Variants in GORASP2 observed in about 807,000 individuals in gnomAD.
GORASP2 encodes the protein Golgi reassembly-stacking protein 2.
Under a neutral mutation model 45.7 loss-of-function variants are expected in GORASP2, and 22 were observed. The observed-to-expected ratio is 0.48, with a 90% CI of 0.34 to 0.69. The LOEUF (loss-of-function observed/expected upper bound fraction) is 0.69. Among genes scored for constraint, GORASP2 ranks in the 30% least tolerant of loss-of-function variants. The pLI, the probability that GORASP2 is intolerant of heterozygous loss-of-function variation, is 0.01. For missense variants in GORASP2, 491 were observed against 562.7 expected (o/e 0.87, Z 1.29); for synonymous variants, 221 against 215.6 (o/e 1.02, Z -0.22).
chr2:170,934,186 A>G lies in GORASP2; in HGVS notation c.63+4783A>G, dbSNP rs550669226. The stretch of plus-strand genomic sequence containing the variant: ...TGAAAAAATTAATTTCTGATATTCA[A>G]TAGTCATTGTCTTCTTTATTCTTCT... On this transcript the variant is annotated intron_variant, in intron 1 of 9. Coordinates refer to ENST00000234160, the MANE Select transcript of GORASP2 (RefSeq NM_015530.5). 7.3e-4 allele frequency among the ~76,000 whole-genome samples: 110 copies of G among 151,712 alleles called. 1 individual carries two copies. Among genetic ancestry groups the G allele is most frequent in the Non-Finnish European group, 8.1e-4 (55 of 67,920 alleles).
At chr2:170,934,223 T>C (rs1703891512) in intron 1 of GORASP2, among the ~76,000 whole-genome samples, 1 of 151,216 alleles carries the variant, frequency 6.6e-6, no homozygotes. Flanking sequence ...ACAGTCTTTC[T>C]CAAACTTTTG....
At chr2:170,964,652 CA>C (rs971995325) in intron 9 of GORASP2, among the ~76,000 whole-genome samples, 1 of 149,282 alleles carries the variant, frequency 6.7e-6, no homozygotes, top group Non-Finnish European at 1.5e-5. Flanking sequence ...GACTCCGTCT[CA>C]AAAAAAAATA....
chr2:170,937,070 T>C (rs1703975607), intron 1 of GORASP2, among the ~76,000 whole-genome samples: 2 of 152,004 alleles, frequency 1.3e-5, no homozygotes, highest in South Asian at 4.2e-4. Flanking sequence ...TAGACCGGCA[T>C]GATGGCGCGT....
intron 4 of GORASP2, among the ~76,000 whole-genome samples, chr2:170,950,906 T>C (rs1004239048): frequency 2.0e-5 from 3 of 151,918 alleles, no homozygotes; most frequent in African/African-American, 7.3e-5. Flanking sequence ...CACTTGAGCC[T>C]GAGAGGTTGA....
At position 170,930,487 on chromosome 2, in the gene GORASP2, C is replaced by T. The variant is rs1703792966; in HGVS notation, c.63+1084C>T. Among the ~76,000 whole-genome samples, 2 of 152,160 alleles carry T rather than the reference C, an allele frequency of 1.3e-5. 1 individual carries two copies. The highest frequency in any genetic ancestry group is 4.1e-4 in the South Asian group (2 of 4,834). On this transcript the variant is annotated intron_variant, in intron 1 of 9. Transcript: ENST00000234160. ...TTCCTGGTGCTACCTTCATTTCCTG[C>T]CCTGGGTCCCATGTTTTAGGTGAGA...
At position 170,961,694 on chromosome 2, in the gene GORASP2, A is replaced by C. The variant is rs753171325; in HGVS notation, c.855A>C (p.Gln285His). The C allele has an allele frequency of 1.3e-6, 2 of 1,599,276 alleles. No homozygotes were observed. The highest frequency in any genetic ancestry group is 3.3e-5 in the Admixed American group (2 of 59,976). ...GVPTVPLLPP[Q>H]VNQSLTSVPP... ...CAACAGTACCGTTATTGCCACCACAAGTAAACCAGTCCCTCACTTCTGTGC... is the reference window on the plus strand; with the variant it reads ...CAACAGTACCGTTATTGCCACCACACGTAAACCAGTCCCTCACTTCTGTGC... The change falls in exon 8 of 10, where the codon CAA becomes CAC. Residue 285 changes from glutamine (Q) to histidine (H), a missense_variant. Gln to His is a conservative substitution (Grantham distance 24, BLOSUM62 0). Transcript: ENST00000234160.
chr2:170,962,783 T>A, intron 8 of GORASP2, 56 bp from the exon 9 acceptor site: 1 of 1,183,794 alleles, frequency 8.4e-7, no homozygotes, highest in East Asian at 2.4e-5. Flanking sequence ...CACGAGGATT[T>A]ATTTCTTCCC....
In GORASP2 at chr2:170,951,127, A is replaced by G. The variant is rs150410464; in HGVS notation, c.436-201A>G. Reference sequence around the variant, plus strand: ...CCAACTAGATCTTAAGGAACTGGCCATAAAGCCTTGTATGTAGTAAGTAGG... The same window carrying G: ...CCAACTAGATCTTAAGGAACTGGCCGTAAAGCCTTGTATGTAGTAAGTAGG... On this transcript the variant is annotated intron_variant, in intron 4 of 9. Transcript: ENST00000234160. 2.6e-3 allele frequency among the ~76,000 whole-genome samples: 389 copies of G among 152,356 alleles called. 2 individuals are homozygous for G. Among genetic ancestry groups the G allele is most frequent in the South Asian group, 9.1e-3 (44 of 4,828 alleles).
upstream of GORASP2, chr2:170,928,585 C>G (rs566372636): frequency 6.6e-6 from 1 of 152,410 alleles, no homozygotes; most frequent in East Asian, 1.9e-4. Flanking sequence ...CGAGCAGCAG[C>G]AGGTGGTGGA....
chr2:170,963,456 C>G (rs1575481250), intron 9 of GORASP2, among the ~76,000 whole-genome samples: 2 of 140,348 alleles, frequency 1.4e-5, no homozygotes, highest in East Asian at 2.2e-4. Flanking sequence ...TGCTGCTCCT[C>G]CTCCTCCTCC....
intron 4 of GORASP2, 92 bp from the exon 5 acceptor site, chr2:170,951,236 A>C (rs1704292095): frequency 1.0e-6 from 1 of 963,388 alleles, no homozygotes. Flanking sequence ...TTTTTTTCTT[A>C]GATTTCTCAG....
intron 4 of GORASP2, 23 bp from the exon 5 acceptor site, chr2:170,951,305 T>G (rs1474741107): frequency 1.3e-6 from 2 of 1,579,216 alleles, no homozygotes; most frequent in Non-Finnish European, 1.7e-6. Context: ...CGTGAAACAT[T>G]TTCTCCTGTG....
At position 170,945,655 on chromosome 2, in the gene GORASP2, C is replaced by G. The variant is rs187907588; in HGVS notation, c.64-2695C>G. 1.2e-4 allele frequency among the ~76,000 whole-genome samples: 19 copies of G among 152,176 alleles called. 1 individual carries two copies. Among genetic ancestry groups the G allele is most frequent in the Admixed American group, 1.1e-3 (17 of 15,274 alleles). ...CAGTTTTAGGGAGTTAGACGTTGAA[C>G]CGTCTATATAGGGCAACTATTCTTT... On this transcript the variant is annotated intron_variant, in intron 1 of 9. Transcript: ENST00000234160.
intron 1 of GORASP2, 93 bp downstream of exon 1, chr2:170,929,496 GC>G: frequency 9.6e-7 from 1 of 1,038,536 alleles, no homozygotes; most frequent in Non-Finnish European, 1.3e-6. Context: ...TCACGGGGCA[GC>G]CAGGCCCGAT....
In GORASP2 at chr2:170,962,820, T is replaced by C. The variant is rs762058855; in HGVS notation, c.911-19T>C. The C allele has an allele frequency of 9.1e-6, 14 of 1,542,332 alleles. No homozygotes were observed. In the African/African-American group the frequency reaches 1.8e-4, roughly 20 times the overall value. On this transcript the variant is annotated intron_variant, in intron 8 of 9. Transcript: ENST00000234160. ...AGGTCAAGTGATTTCTCTTTTTTTCTTTTCTGCCTTCTCTTCAGGTCTGAT... is the reference window on the plus strand; with the variant it reads ...AGGTCAAGTGATTTCTCTTTTTTTCCTTTCTGCCTTCTCTTCAGGTCTGAT...
intron 1 of GORASP2, among the ~76,000 whole-genome samples, chr2:170,933,215 C>T (rs1575466798): frequency 6.6e-6 from 1 of 152,012 alleles, no homozygotes; most frequent in Non-Finnish European, 1.5e-5. Flanking sequence ...TTCAGATTTC[C>T]TTATATAGTG....
At chr2:170,948,461 A>G in intron 2 of GORASP2, 31 bp downstream of exon 2, 1 of 1,182,348 alleles carries the variant, frequency 8.5e-7, no homozygotes, top group East Asian at 2.3e-5. Flanking sequence ...TTTTGTCTAT[A>G]GTATTTGTAA....
chr2:170,965,837 G>A lies in GORASP2; in HGVS notation c.1066G>A (p.Ala356Thr). The A allele has an allele frequency of 1.2e-6, 2 of 1,613,982 alleles. No individual in the cohort carries two copies. Among genetic ancestry groups the A allele is most frequent in the Non-Finnish European group, 1.7e-6 (2 of 1,180,000 alleles). Residue 356 changes from alanine to threonine, a missense_variant, in exon 10 of 10, where the codon GCA becomes ACA. Coordinates refer to ENST00000234160, the MANE Select transcript of GORASP2 (RefSeq NM_015530.5). ...SMPPRNLPGIAPLPLPSEFLP... is the reference protein window; with the variant it reads ...SMPPRNLPGITPLPLPSEFLP... ...GCCTCCCCGAAACTTACCTGGCATTGCACCTCTCCCCCTGCCATCCGAGTT... is the reference window on the plus strand; with the variant it reads ...GCCTCCCCGAAACTTACCTGGCATTACACCTCTCCCCCTGCCATCCGAGTT...
chr2:170,933,638 G>C lies in GORASP2; in HGVS notation c.63+4235G>C, dbSNP rs540637942. On this transcript the variant is annotated intron_variant, in intron 1 of 9. Coordinates refer to ENST00000234160, the MANE Select transcript of GORASP2 (RefSeq NM_015530.5). ...CATAGTTCACAAAATTAAATTTTTG[G>C]AGTGACCTCACAGATGCCTATTATA... 2.0e-5 allele frequency among the ~76,000 whole-genome samples: 3 copies of C among 152,274 alleles called. No individual in the cohort carries two copies. The South Asian group carries it at 6.2e-4, about 32-fold the overall frequency.
Sources: gnomAD v4.1 joint callset for allele counts (sites outside exome capture counted in the v4.1 genomes callset) on GRCh38, gnomAD v4.1.1 for gene constraint, MANE v1.5 for transcripts, NCBI Gene and HGNC (gene_info 2026-07-23, HGNC 2026-07-21) for gene names.